The following BRIP1 variants were observed in gnomAD, a reference collection of about 807,000 sequenced individuals.
BRIP1 encodes Fanconi anemia group J protein.
BRIP1 carries 88 observed loss-of-function variants against 119.7 expected under a neutral mutation model. The ratio of observed to expected loss-of-function variants is 0.74; its 90% CI spans 0.62 to 0.88. The LOEUF is 0.88. Ranked by LOEUF, BRIP1 falls within the 40% of genes least tolerant of loss-of-function variation. The probability of loss-of-function intolerance (pLI) is 0.00; values close to 1 mark genes in which losing one functional copy is unlikely to be tolerated. For missense variants in BRIP1, 1,259 were observed against 1,455.4 expected, an observed-to-expected ratio of 0.87 and a Z score of 2.20; for synonymous variants, 443 against 496.5, an observed-to-expected ratio of 0.89 and a Z score of 1.43.
Position 61,846,051 on chromosome 17 carries a change from A to G in BRIP1, c.627+1050T>C, listed in dbSNP as rs538145910. ...CAAAAAATTAGCCAGGCGTGGTGGC[A>G]GGCGCCTGTAGTCCCAACTACTCGG... On this transcript the variant is annotated intron_variant, in intron 6 of 19. Coordinates refer to ENST00000259008, the MANE Select transcript of BRIP1 (RefSeq NM_032043.3). This position sits in a 1 kb window ranked among gnomAD's most constrained non-coding sequence, Gnocchi z 4.3. Among the ~76,000 whole-genome samples, 1,036 of 152,006 alleles carry G rather than the reference A, an allele frequency of 6.8e-3. 4 individuals carry two copies. The highest frequency in any genetic ancestry group is 0.011 in the Non-Finnish European group (744 of 67,928).
At position 61,744,663 on chromosome 17, in the gene BRIP1, C is replaced by T. The variant is rs1459948337; in HGVS notation, c.2098-72G>A. 1 of 1,310,970 alleles carries T rather than the reference C, an allele frequency of 7.6e-7. No individual in the cohort carries two copies. Among genetic ancestry groups the T allele is most frequent in the Non-Finnish European group, 1.1e-6 (1 of 906,918 alleles). The allele number at this position is 1,310,970 out of a possible 1,614,324, so 81.2% of individuals were successfully genotyped here. A position where few individuals can be genotyped will look rare whatever the true frequency, so the allele number is the denominator to read the frequency against. Reference sequence around the variant, plus strand: ...CAAACTTAACTTCATTTGTTTAAGCCAATGTGACTACGGCAAGTATATTAA... The same window carrying T: ...CAAACTTAACTTCATTTGTTTAAGCTAATGTGACTACGGCAAGTATATTAA... On this transcript the variant is annotated intron_variant, in intron 14 of 19. Transcript: ENST00000259008. The surrounding 1 kb of genome is among the most constrained non-coding windows in gnomAD (Gnocchi z 5.0).
Position 61,861,098 on chromosome 17 carries a change from A to G in BRIP1, c.93+349T>C, listed in dbSNP as rs1000613706. ...AAAGCTGGTTTACTCAAATTTGTAT[A>G]TTAATTTTCTACATGATCCAAACAA... On this transcript the variant is annotated intron_variant, in intron 2 of 19. Transcript: ENST00000259008. This position sits in a 1 kb window ranked among gnomAD's most constrained non-coding sequence, Gnocchi z 4.5. 6.6e-6 allele frequency among the ~76,000 whole-genome samples: 1 copy of G among 152,228 alleles called. No homozygotes were observed. Among genetic ancestry groups the G allele is most frequent in the Non-Finnish European group, 1.5e-5 (1 of 68,026 alleles).
chr17:61,811,276 G>A (rs1270910396), intron 6 of BRIP1, among the ~76,000 whole-genome samples: 3 of 152,150 alleles, frequency 2.0e-5, no homozygotes, highest in South Asian at 2.1e-4. Flanking sequence ...CCAGGCTGGA[G>A]TGCAATGGCA....
chr17:61,809,188 C>T lies in BRIP1; in HGVS notation c.628-431G>A, dbSNP rs2145429074. On this transcript the variant is annotated intron_variant, in intron 6 of 19. Transcript: ENST00000259008. This position sits in a 1 kb window ranked among gnomAD's most constrained non-coding sequence, Gnocchi z 5.2. ...GTTCATTCAAATATTCCTTAATACA[C>T]CAATGCTTTTGAAGCACTTTTAAAT... Among the ~76,000 whole-genome samples the T allele has an allele frequency of 6.6e-6, 1 of 152,232 alleles. No homozygotes were observed. The highest frequency in any genetic ancestry group is 1.9e-4 in the East Asian group (1 of 5,182).
rs1160965350 is a variant in BRIP1 at position 61,772,206 on chromosome 17, TATAA to T, written c.2097+4191_2097+4194del. The stretch of plus-strand genomic sequence containing the variant: ...ATATATATATATATATATATATATA[TATAA>T]AATGAAATATTATTCTGCCATAAAA... On this transcript the variant is annotated intron_variant, in intron 14 of 19. Coordinates refer to ENST00000259008, the MANE Select transcript of BRIP1 (RefSeq NM_032043.3). Among the ~76,000 whole-genome samples, 124 of 80,552 alleles carry T rather than the reference TATAA, an allele frequency of 1.5e-3. 4 individuals carry two copies. The highest frequency in any genetic ancestry group is 0.014 in the South Asian group (23 of 1,660). The allele number at this position is 80,552 out of a possible 152,430, so 52.8% of individuals were successfully genotyped here.
rs1603289439 is a variant in BRIP1 at position 61,708,275 on chromosome 17, A to C, written c.2492+7676T>G. Among the ~76,000 whole-genome samples the C allele has an allele frequency of 6.6e-6, 1 of 150,424 alleles. No homozygotes were observed. The highest frequency in any genetic ancestry group is 2.0e-4 in the East Asian group (1 of 5,064). ...CCAGAAATAATTCATACATTTAAAA[A>C]TGCATGCCCTTCTGAGTTGCATGAT... On this transcript the variant is annotated intron_variant, in intron 17 of 19. Coordinates refer to ENST00000259008, the MANE Select transcript of BRIP1 (RefSeq NM_032043.3). The surrounding 1 kb of genome is among the most constrained non-coding windows in gnomAD (Gnocchi z 4.4).
Position 61,823,893 on chromosome 17 carries a change from A to G in BRIP1, c.628-15136T>C, listed in dbSNP as rs1368780350. On this transcript the variant is annotated intron_variant, in intron 6 of 19. Coordinates refer to ENST00000259008, the MANE Select transcript of BRIP1 (RefSeq NM_032043.3). This position sits in a 1 kb window ranked among gnomAD's most constrained non-coding sequence, Gnocchi z 4.8. Reference sequence around the variant, plus strand: ...GCCCAAAGTGATCTCAGCTCACTGCAACCTCCGCCTCCTGGGTTCAAGTGA... The same window carrying G: ...GCCCAAAGTGATCTCAGCTCACTGCGACCTCCGCCTCCTGGGTTCAAGTGA... Among the ~76,000 whole-genome samples, 2 of 152,022 alleles carry G rather than the reference A, an allele frequency of 1.3e-5. No homozygotes were observed. Among genetic ancestry groups the G allele is most frequent in the African/African-American group, 4.8e-5 (2 of 41,388 alleles).
At chr17:61,737,286 T>C (rs1279100708) in intron 16 of BRIP1, among the ~76,000 whole-genome samples, 1 of 152,160 alleles carries the variant, frequency 6.6e-6, no homozygotes, top group Non-Finnish European at 1.5e-5. Flanking sequence ...ATTGGCCAAA[T>C]GGATTTTTAA....
intron 3 of BRIP1, among the ~76,000 whole-genome samples, chr17:61,858,498 C>T (rs1402660821): frequency 4.6e-5 from 7 of 151,764 alleles, no homozygotes; most frequent in Non-Finnish European, 8.8e-5. Context: ...CTCAGCCTCT[C>T]GAGTAGCTGG....
At chr17:61,836,634 G>GA (rs2078578878) in intron 6 of BRIP1, among the ~76,000 whole-genome samples, 1 of 151,516 alleles carries the variant, frequency 6.6e-6, no homozygotes, top group African/African-American at 2.4e-5. Flanking sequence ...ATAAAAAACT[G>GA]AAAAAAAGAG....
intron 14 of BRIP1, among the ~76,000 whole-genome samples, chr17:61,765,375 T>TA (rs2077339067): frequency 2.8e-5 from 2 of 72,486 alleles, no homozygotes; most frequent in Non-Finnish European, 5.3e-5. Context: ...TGTGTGTGTA[T>TA]ATATTATATA....
Position 61,735,873 on chromosome 17 carries a change from C to A in BRIP1, c.2379+7140G>T, listed in dbSNP as rs149938205. Among the ~76,000 whole-genome samples, 1,979 of 152,146 alleles carry A rather than the reference C, an allele frequency of 0.013. 21 individuals carry two copies. Among genetic ancestry groups the A allele is most frequent in the Middle Eastern group, 0.031 (9 of 294 alleles). On this transcript the variant is annotated intron_variant, in intron 16 of 19. Transcript: ENST00000259008. This position sits in a 1 kb window ranked among gnomAD's most constrained non-coding sequence, Gnocchi z 4.4. Reference sequence around the variant, plus strand: ...TCAGTCCTACAACCACAAACGGACCCCAAGTGCCAGATAACAACACAACCT... The same window carrying A: ...TCAGTCCTACAACCACAAACGGACCACAAGTGCCAGATAACAACACAACCT...
At position 61,681,121 on chromosome 17, in the gene BRIP1, C is replaced by T. The variant is rs901515404; in HGVS notation, c.*2175G>A. The T allele has an allele frequency of 3.2e-5, 6 of 186,168 alleles. No individual in the cohort carries two copies. The highest frequency in any genetic ancestry group is 1.2e-4 in the African/African-American group (5 of 42,588). The allele number at this position is 186,168 out of a possible 1,614,324, so 11.5% of individuals were successfully genotyped here. On this transcript the variant is annotated 3_prime_UTR_variant, in exon 20 of 20. Coordinates refer to ENST00000259008, the MANE Select transcript of BRIP1 (RefSeq NM_032043.3). The surrounding 1 kb of genome is among the most constrained non-coding windows in gnomAD (Gnocchi z 5.1). ...ATCACGAGAACCGCATGAGGGTAAC[C>T]GCCCCCACGATTCAATTACCTCCCA... is the stretch of plus-strand genomic sequence containing the variant.
Position 61,843,428 on chromosome 17 carries a change from C to T in BRIP1, c.627+3673G>A, listed in dbSNP as rs181385370. Among the ~76,000 whole-genome samples, 44 of 152,180 alleles carry T rather than the reference C, an allele frequency of 2.9e-4. No individual in the cohort carries two copies. Among genetic ancestry groups the T allele is most frequent in the African/African-American group, 9.4e-4 (39 of 41,516 alleles). ...GTAAGGAGATGAATATATTAATTAG[C>T]TTGTGATATGATTTGGAAGTGTGTC... is the stretch of plus-strand genomic sequence containing the variant. On this transcript the variant is annotated intron_variant, in intron 6 of 19. Transcript: ENST00000259008. This position sits in a 1 kb window ranked among gnomAD's most constrained non-coding sequence, Gnocchi z 5.7.
At chr17:61,765,067 T>C (rs1398679350) in intron 14 of BRIP1, among the ~76,000 whole-genome samples, 2 of 151,746 alleles carry the variant, frequency 1.3e-5, no homozygotes, top group Non-Finnish European at 2.9e-5. Context: ...CTCGAGATGA[T>C]GGAGCAAGAA....
intron 17 of BRIP1, among the ~76,000 whole-genome samples, chr17:61,697,658 C>G (rs2061550119): frequency 6.6e-6 from 1 of 150,928 alleles, no homozygotes; most frequent in Non-Finnish European, 1.5e-5. Flanking sequence ...TTTGAATTCT[C>G]TATTTCATTT....
In BRIP1 at chr17:61,844,087, C is replaced by T. The variant is rs562823930; in HGVS notation, c.627+3014G>A. Among the ~76,000 whole-genome samples the T allele has an allele frequency of 6.6e-6, 1 of 151,992 alleles. No homozygotes were observed. Among genetic ancestry groups the T allele is most frequent in the African/African-American group, 2.4e-5 (1 of 41,484 alleles). ...TACAAGTACACACCACCACACACAG[C>T]TATTTTTTTTCTTCTATTCTTTATA... On this transcript the variant is annotated intron_variant, in intron 6 of 19. Coordinates refer to ENST00000259008, the MANE Select transcript of BRIP1 (RefSeq NM_032043.3). This position sits in a 1 kb window ranked among gnomAD's most constrained non-coding sequence, Gnocchi z 4.7.
At position 61,857,300 on chromosome 17, in the gene BRIP1, A is replaced by AATCCTGGGTGAACTGGGCT; in HGVS notation, c.206-70_206-69insAGCCCAGTTCACCCAGGAT. The AATCCTGGGTGAACTGGGCT allele has an allele frequency of 7.2e-7, 1 of 1,395,150 alleles. No individual in the cohort carries two copies. The highest frequency in any genetic ancestry group is 9.8e-7 in the Non-Finnish European group (1 of 1,022,178). The allele number at this position is 1,395,150 out of a possible 1,614,324, so 86.4% of individuals were successfully genotyped here. A position where few individuals can be genotyped will look rare whatever the true frequency, so the allele number is the denominator to read the frequency against. On this transcript the variant is annotated intron_variant, in intron 3 of 19. Coordinates refer to ENST00000259008, the MANE Select transcript of BRIP1 (RefSeq NM_032043.3). The surrounding 1 kb of genome is among the most constrained non-coding windows in gnomAD (Gnocchi z 5.1). Reference sequence around the variant, plus strand: ...AAACATCAATCATTCTCTACAGCCCAGTTCACCCAGGATTGGGAGGTTTCC... The same window carrying AATCCTGGGTGAACTGGGCT: ...AAACATCAATCATTCTCTACAGCCCAATCCTGGGTGAACTGGGCTGTTCACCCAGGATTGGGAGGTTTCC...
Position 61,857,274 on chromosome 17 carries a change from TA to T in BRIP1, c.206-44del. 2.0e-6 allele frequency: 3 copies of T among 1,512,520 alleles called. No individual in the cohort carries two copies. The highest frequency in any genetic ancestry group is 2.7e-6 in the Non-Finnish European group (3 of 1,107,674). 93.7% of individuals were successfully genotyped at this position (1,512,520 alleles called of 1,614,324 possible). A position where few individuals can be genotyped will look rare whatever the true frequency, so the allele number is the denominator to read the frequency against. ...TCTATTTATAATATATCTAATTAAA[TA>T]AACATCAATCATTCTCTACAGCCCA... On this transcript the variant is annotated intron_variant, in intron 3 of 19. Transcript: ENST00000259008. This position sits in a 1 kb window ranked among gnomAD's most constrained non-coding sequence, Gnocchi z 5.1.
Sources: gnomAD v4.1 joint callset for allele counts (sites outside exome capture counted in the v4.1 genomes callset) on GRCh38, gnomAD v4.1.1 for gene constraint, Gnocchi (gnomAD v3.1) non-coding constraint, MANE v1.5 for transcripts, NCBI Gene and HGNC (gene_info 2026-07-23, HGNC 2026-07-21) for gene names.